JAKMIP2: variants seen among roughly 807,000 people sequenced by gnomAD.
JAKMIP2 encodes the protein janus kinase and microtubule-interacting protein 2.
In JAKMIP2, 25 loss-of-function variants were observed where a neutral mutation model predicts 115.0. That is an observed-to-expected ratio of 0.22 (90% CI 0.16 to 0.30). The LOEUF (loss-of-function observed/expected upper bound fraction) is 0.30. JAKMIP2 is among the 10% of genes least tolerant of loss of function. The pLI, the probability that JAKMIP2 is intolerant of heterozygous loss-of-function variation, is 1.00. For synonymous variants in JAKMIP2, 334 were observed against 343.6 expected, an observed-to-expected ratio of 0.97 and a Z score of 0.31; for missense variants, 642 against 957.6, an observed-to-expected ratio of 0.67 and a Z score of 4.35.
chr5:147,731,100 T>A (rs1464730385), intron 1 of JAKMIP2, among the ~76,000 whole-genome samples: 2 of 152,128 alleles, frequency 1.3e-5, no homozygotes, highest in East Asian at 3.8e-4. Flanking sequence ...AAAGTGAGTG[T>A]CCCCGGCCAG....
At chr5:147,768,711 TCA>T (rs1165697526) in intron 1 of JAKMIP2, among the ~76,000 whole-genome samples, 1 of 152,152 alleles carries the variant, frequency 6.6e-6, no homozygotes, top group Non-Finnish European at 1.5e-5. Context: ...ATAAAATAAT[TCA>T]CACTCTGCTT....
chr5:147,620,090 T>G (rs1756776602), intron 18 of JAKMIP2, among the ~76,000 whole-genome samples: 1 of 152,076 alleles, frequency 6.6e-6, no homozygotes, highest in African/African-American at 2.4e-5. Flanking sequence ...ATATATTTAA[T>G]TGTTTTTGTT....
In JAKMIP2 at chr5:147,722,616, C is replaced by T. The variant is rs544712148; in HGVS notation, c.-148-50662G>A. Among the ~76,000 whole-genome samples, 13 of 152,074 alleles carry T rather than the reference C, an allele frequency of 8.5e-5. No individual in the cohort carries two copies. The East Asian group carries it at 9.6e-4, about 11-fold the overall frequency. ...ACTAGCCCCAGCCAAGTGTAGCTAA[C>T]GAAAGAGTTGCATGGGACAATGTCA... On this transcript the variant is annotated intron_variant, in intron 1 of 21. Transcript: ENST00000616793.
chr5:147,701,527 T>A (rs1023539960), intron 1 of JAKMIP2, among the ~76,000 whole-genome samples: 2 of 152,170 alleles, frequency 1.3e-5, no homozygotes, highest in Admixed American at 6.5e-5. Context: ...TTGACCCTCA[T>A]CAATCTTTGA....
chr5:147,625,420 C>T (rs17106942), intron 16 of JAKMIP2, among the ~76,000 whole-genome samples: 7,465 of 152,142 alleles, frequency 0.049, 596 homozygotes, highest in African/African-American at 0.17. Flanking sequence ...AGAAAAGAGG[C>T]ATGCCGAGAC....
chr5:147,719,681 T>C (rs1476611543), intron 1 of JAKMIP2, among the ~76,000 whole-genome samples: 3 of 151,192 alleles, frequency 2.0e-5, no homozygotes, highest in Non-Finnish European at 4.4e-5. Flanking sequence ...CCCTGCCTTT[T>C]TTTGTTTTCC....
chr5:147,777,347 C>T (rs893916589), intron 1 of JAKMIP2, among the ~76,000 whole-genome samples: 9 of 152,076 alleles, frequency 5.9e-5, no homozygotes, highest in African/African-American at 1.7e-4. Context: ...AAAATGCATG[C>T]GGAAATTTAA....
At chr5:147,763,546 G>A (rs1022207504) in intron 1 of JAKMIP2, among the ~76,000 whole-genome samples, 3 of 152,024 alleles carry the variant, frequency 2.0e-5, no homozygotes, top group Non-Finnish European at 4.4e-5. Context: ...AATTAAATAT[G>A]GAATCATTGC....
chr5:147,684,430 G>GA (rs1346195885), intron 1 of JAKMIP2, among the ~76,000 whole-genome samples: 1 of 151,904 alleles, frequency 6.6e-6, no homozygotes, highest in African/African-American at 2.4e-5. Context: ...GGTAAATTCT[G>GA]AAAAAATACT....
In JAKMIP2 at chr5:147,600,087, G is replaced by GTT. The variant is rs369043130; in HGVS notation, c.*20+1652_*20+1653dup. On this transcript the variant is annotated intron_variant, in intron 21 of 21. Coordinates refer to ENST00000616793, the MANE Select transcript of JAKMIP2 (RefSeq NM_001270941.2). ...TCCCTACTTTTAAAATTTATTTACT[G>GTT]TTTTTTTTTTTTTTTTTTTTTTTTG... 3.8e-3 allele frequency among the ~76,000 whole-genome samples: 257 copies of GTT among 67,920 alleles called. 2 individuals are homozygous for GTT. Among genetic ancestry groups the GTT allele is most frequent in the African/African-American group, 0.013 (215 of 16,156 alleles). The allele number at this position is 67,920 out of a possible 152,430, so 44.6% of individuals were successfully genotyped here.
intron 1 of JAKMIP2, among the ~76,000 whole-genome samples, chr5:147,719,127 G>T (rs551297217): frequency 2.3e-5 from 3 of 132,802 alleles, no homozygotes. Flanking sequence ...TTCAGGAGCA[G>T]GTTGTTCAGT....
intron 1 of JAKMIP2, among the ~76,000 whole-genome samples, chr5:147,718,633 A>T (rs1381258865): frequency 2.0e-5 from 3 of 151,760 alleles, no homozygotes; most frequent in African/African-American, 7.3e-5. Context: ...GTTTATTTGC[A>T]TAGAGGTGTT....
intron 1 of JAKMIP2, among the ~76,000 whole-genome samples, chr5:147,741,604 T>C (rs17563872): frequency 0.11 from 17,082 of 152,146 alleles, 1,180 homozygotes; most frequent in Middle Eastern, 0.18. Flanking sequence ...TGTTACTCAA[T>C]GAAAGAAACT....
intron 1 of JAKMIP2, among the ~76,000 whole-genome samples, chr5:147,731,715 T>C (rs1753740602): frequency 6.6e-6 from 1 of 152,220 alleles, no homozygotes. Flanking sequence ...AATGCCTCCT[T>C]CTTCCTTTTA....
intron 1 of JAKMIP2, among the ~76,000 whole-genome samples, chr5:147,727,624 T>A (rs1232910962): frequency 2.0e-5 from 3 of 152,186 alleles, no homozygotes; most frequent in Admixed American, 6.5e-5. Flanking sequence ...ACATGGGGAT[T>A]AAAATTCAAG....
chr5:147,593,148 C>T (rs1340343921), intron 21 of JAKMIP2, among the ~76,000 whole-genome samples: 1 of 152,156 alleles, frequency 6.6e-6, no homozygotes, highest in Non-Finnish European at 1.5e-5. Context: ...CAGAGACAGG[C>T]GCTACAGCGT....
At chr5:147,779,123 T>C (rs1024633407) in intron 1 of JAKMIP2, among the ~76,000 whole-genome samples, 1 of 152,136 alleles carries the variant, frequency 6.6e-6, no homozygotes, top group African/African-American at 2.4e-5. Flanking sequence ...TGTAGAAAAC[T>C]GTTAGACTCT....
intron 1 of JAKMIP2, among the ~76,000 whole-genome samples, chr5:147,749,041 G>A (rs770807381): frequency 3.9e-5 from 6 of 152,112 alleles, no homozygotes; most frequent in Admixed American, 2.0e-4. Context: ...GAATGATGCC[G>A]CTTCATTCCC....
chr5:147,597,747 G>A (rs1215384921), intron 21 of JAKMIP2, among the ~76,000 whole-genome samples: 1 of 152,146 alleles, frequency 6.6e-6, no homozygotes, highest in Non-Finnish European at 1.5e-5. Context: ...GACACAATGA[G>A]TCGTTGCTAT....
Sources: gnomAD v4.1 joint callset for allele counts (sites outside exome capture counted in the v4.1 genomes callset) on GRCh38, gnomAD v4.1.1 for gene constraint, MANE v1.5 for transcripts, NCBI Gene and HGNC (gene_info 2026-07-23, HGNC 2026-07-21) for gene names.